ZNF385D: variants seen among roughly 807,000 people sequenced by gnomAD.
The protein encoded by ZNF385D is zinc finger protein 659.
A neutral mutation model predicts 35.8 loss-of-function variants in ZNF385D; 15 were observed. The observed-to-expected ratio is 0.42, with a 90% CI of 0.28 to 0.64. The LOEUF is 0.64. Among genes scored for constraint, ZNF385D ranks in the 30% least tolerant of loss-of-function variants. The pLI is 0.23. For missense variants in ZNF385D, 474 were observed against 494.6 expected, an observed-to-expected ratio of 0.96 and a Z score of 0.39; for synonymous variants, 212 against 186.8, an observed-to-expected ratio of 1.13 and a Z score of -1.10.
At chr3:21,519,740 T>C (rs1227698364) in intron 3 of ZNF385D, among the ~76,000 whole-genome samples, 1 of 152,198 alleles carries the variant, frequency 6.6e-6, no homozygotes, top group African/African-American at 2.4e-5. Flanking sequence ...TTCAAGTTTG[T>C]ACAAAACTGA....
chr3:22,106,142 G>A (rs927029277), intron 3 of ZNF385D, among the ~76,000 whole-genome samples: 3 of 152,070 alleles, frequency 2.0e-5, no homozygotes, highest in Non-Finnish European at 4.4e-5. Flanking sequence ...AGGTATTTGT[G>A]GCTCCAAAAA....
intron 2 of ZNF385D, among the ~76,000 whole-genome samples, chr3:22,193,173 C>T (rs1341350167): frequency 1.3e-5 from 2 of 152,030 alleles, no homozygotes; most frequent in Non-Finnish European, 2.9e-5. Context: ...ATATCTCAAC[C>T]ACATTGAGGA....
intron 2 of ZNF385D, among the ~76,000 whole-genome samples, chr3:21,657,218 C>T (rs2066098015): frequency 6.6e-6 from 1 of 151,884 alleles, no homozygotes. Flanking sequence ...AGGGGAAGAG[C>T]AGTCAGGAAA....
At chr3:21,980,887 G>C (rs1000289048) in intron 3 of ZNF385D, among the ~76,000 whole-genome samples, 2 of 152,142 alleles carry the variant, frequency 1.3e-5, no homozygotes, top group African/African-American at 2.4e-5. Context: ...TCCTGCAAAA[G>C]AGATGATCTA....
At chr3:22,161,681 A>G (rs185134504) in intron 3 of ZNF385D, among the ~76,000 whole-genome samples, 2 of 152,312 alleles carry the variant, frequency 1.3e-5, no homozygotes, top group Admixed American at 1.3e-4. Context: ...ATATATAGTG[A>G]TAAATTATCA....
At chr3:22,251,323 C>T (rs181513472) in intron 2 of ZNF385D, among the ~76,000 whole-genome samples, 4 of 152,212 alleles carry the variant, frequency 2.6e-5, no homozygotes, top group African/African-American at 7.2e-5. Context: ...CTATAAGAGG[C>T]GTAAGCACTC....
At chr3:21,550,611 T>C (rs562089823) in intron 3 of ZNF385D, among the ~76,000 whole-genome samples, 2 of 152,174 alleles carry the variant, frequency 1.3e-5, no homozygotes, top group Admixed American at 6.6e-5. Flanking sequence ...GCCTCCTTAG[T>C]AGCTGGGATT....
chr3:22,287,561 C>A (rs543259341), intron 2 of ZNF385D, among the ~76,000 whole-genome samples: 4 of 151,928 alleles, frequency 2.6e-5, no homozygotes, highest in East Asian at 1.9e-4. Context: ...CTGAGGCTTA[C>A]AAAAAGCACC....
At chr3:21,797,253 T>C (rs758365933) in intron 3 of ZNF385D, among the ~76,000 whole-genome samples, 4 of 152,122 alleles carry the variant, frequency 2.6e-5, no homozygotes, top group African/African-American at 4.8e-5. Flanking sequence ...TTATATGTCA[T>C]CAGGAAAATG....
intron 3 of ZNF385D, among the ~76,000 whole-genome samples, chr3:21,553,335 G>T (rs1038786097): frequency 3.9e-5 from 6 of 152,108 alleles, no homozygotes; most frequent in African/African-American, 1.4e-4. Flanking sequence ...TTCTCATTTT[G>T]CAATGCATAT....
chr3:22,368,156 T>C (rs1245827413), intron 2 of ZNF385D, among the ~76,000 whole-genome samples: 1 of 152,126 alleles, frequency 6.6e-6, no homozygotes, highest in Non-Finnish European at 1.5e-5. Context: ...ATTAAACACA[T>C]GTTAGGATGA....
chr3:21,514,376 T>C (rs1458096234), intron 3 of ZNF385D, among the ~76,000 whole-genome samples: 1 of 152,184 alleles, frequency 6.6e-6, no homozygotes, highest in African/African-American at 2.4e-5. Flanking sequence ...CATATGGACG[T>C]GAGCAAAACA....
Position 21,414,010 on chromosome 3 carries a change from A to G in ZNF385D, c.*7204T>C, listed in dbSNP as rs2125227326. 6.6e-6 allele frequency: 1 copy of G among 152,220 alleles called. No individual in the cohort carries two copies. Among genetic ancestry groups the G allele is most frequent in the South Asian group, 2.1e-4 (1 of 4,832 alleles). 9.4% of individuals were successfully genotyped at this position (152,220 alleles called of 1,614,324 possible). On this transcript the variant is annotated 3_prime_UTR_variant, in exon 8 of 8. Transcript: ENST00000281523. ...GTGAGAGCTGAATATTTCATCATAC[A>G]TTGGATAACACTAAATTTTCCCCGA...
chr3:22,203,404 A>G (rs796791045), intron 2 of ZNF385D, among the ~76,000 whole-genome samples: 26 of 152,256 alleles, frequency 1.7e-4, no homozygotes, highest in African/African-American at 5.3e-4. Flanking sequence ...GCTAGTACAC[A>G]CAGTGGGCTA....
chr3:21,782,855 G>T (rs1042030144), intron 3 of ZNF385D, among the ~76,000 whole-genome samples: 7 of 152,070 alleles, frequency 4.6e-5, no homozygotes, highest in African/African-American at 1.7e-4. Context: ...GAGGATGAGC[G>T]GGGAGGAAGA....
At chr3:21,884,093 G>T (rs964368076) in intron 3 of ZNF385D, among the ~76,000 whole-genome samples, 1 of 151,992 alleles carries the variant, frequency 6.6e-6, no homozygotes, top group Non-Finnish European at 1.5e-5. Context: ...GGAGACATAG[G>T]ATAAGACATA....
At chr3:21,456,143 G>A (rs199763962) in intron 4 of ZNF385D, among the ~76,000 whole-genome samples, 1,702 of 152,304 alleles carry the variant, frequency 0.011, 84 homozygotes, top group Admixed American at 0.085. Context: ...TGGTGGGACT[G>A]TAAACTAGTT....
intron 3 of ZNF385D, among the ~76,000 whole-genome samples, chr3:22,137,879 T>A (rs1704249823): frequency 6.6e-6 from 1 of 151,976 alleles, no homozygotes; most frequent in African/African-American, 2.4e-5. Flanking sequence ...GAAGTCAAAT[T>A]GTCCCTGTTT....
intron 3 of ZNF385D, among the ~76,000 whole-genome samples, chr3:21,828,849 T>A (rs759597830): frequency 6.6e-6 from 1 of 152,218 alleles, no homozygotes; most frequent in African/African-American, 2.4e-5. Flanking sequence ...ACAGCATCTA[T>A]AGACCACCTC....
Sources: gnomAD v4.1 joint callset for allele counts (sites outside exome capture counted in the v4.1 genomes callset) on GRCh38, gnomAD v4.1.1 for gene constraint, MANE v1.5 for transcripts, NCBI Gene and HGNC (gene_info 2026-07-23, HGNC 2026-07-21) for gene names.